Variants in GLIS3 observed in about 807,000 individuals in gnomAD.
The protein encoded by GLIS3 is GLIS family zinc finger 3.
In GLIS3, 53 loss-of-function variants were observed where a neutral mutation model predicts 78.6. That is an observed-to-expected ratio of 0.67 (90% CI 0.54 to 0.85). The LOEUF is 0.85. GLIS3 is among the 40% of genes least tolerant of loss of function. The pLI is 0.00. For synonymous variants in GLIS3, 684 were observed against 509.9 expected, an observed-to-expected ratio of 1.34 and a Z score of -4.60; for missense variants, 1,703 against 1,231.1, an observed-to-expected ratio of 1.38 and a Z score of -5.74.
At chr9:3,932,740 C>T (rs181076668) in intron 5 of GLIS3, 4 of 441,376 alleles carry the variant, frequency 9.1e-6, no homozygotes, top group South Asian at 3.7e-5. Context: ...CACAAAACCT[C>T]TTGGGGCATT....
At chr9:3,962,628 G>A (rs767609022) in intron 4 of GLIS3, among the ~76,000 whole-genome samples, 46 of 152,166 alleles carry the variant, frequency 3.0e-4, no homozygotes, top group Non-Finnish European at 5.6e-4. Flanking sequence ...CCTTTGAGCA[G>A]TTTTTTGTTT....
At chr9:3,928,429 C>T (rs1182318185) in intron 6 of GLIS3, among the ~76,000 whole-genome samples, 1 of 152,118 alleles carries the variant, frequency 6.6e-6, no homozygotes, top group African/African-American at 2.4e-5. Context: ...CTTATTAGTC[C>T]ACTTAATATA....
At chr9:4,349,844 T>C (rs763828563), upstream of GLIS3, among the ~76,000 whole-genome samples, 2 of 152,230 alleles carry the variant, frequency 1.3e-5, no homozygotes, top group Non-Finnish European at 2.9e-5. Flanking sequence ...CTTCAGGGTG[T>C]CCTGAATTGG....
At chr9:4,000,863 A>C (rs1821080509) in intron 4 of GLIS3, among the ~76,000 whole-genome samples, 1 of 152,114 alleles carries the variant, frequency 6.6e-6, no homozygotes, top group Non-Finnish European at 1.5e-5. Context: ...ACACTTCCAA[A>C]ATCAGCAAAA....
At chr9:4,409,234 A>C in the GLIS3 span, among the ~76,000 whole-genome samples, 18 of 152,174 alleles carry the variant, frequency 1.2e-4, no homozygotes, top group African/African-American at 3.9e-4. Flanking sequence ...GGTTATTATC[A>C]GCTTTGCCCT....
chr9:4,320,983 C>T (rs1017683383), intron 2 of GLIS3, among the ~76,000 whole-genome samples: 1 of 151,986 alleles, frequency 6.6e-6, no homozygotes, highest in South Asian at 2.1e-4. Flanking sequence ...AAGAACGTTG[C>T]TTGAGAAGGC....
chr9:3,896,160 C>T (rs904056253), intron 7 of GLIS3, among the ~76,000 whole-genome samples: 116 of 152,154 alleles, frequency 7.6e-4, no homozygotes, highest in Middle Eastern at 6.8e-3. Context: ...AGATCTAGGG[C>T]GAAGGTTTGC....
chr9:4,079,488 T>G (rs183459882), intron 4 of GLIS3, among the ~76,000 whole-genome samples: 7 of 152,158 alleles, frequency 4.6e-5, no homozygotes, highest in Admixed American at 2.0e-4. Flanking sequence ...ATCCCACTGA[T>G]AAGATTCTCA....
At chr9:4,009,752 A>T (rs1821846270) in intron 4 of GLIS3, among the ~76,000 whole-genome samples, 1 of 152,228 alleles carries the variant, frequency 6.6e-6, no homozygotes, top group Admixed American at 6.5e-5. Flanking sequence ...GGGATCTGAC[A>T]GCCTCAGGCA....
At chr9:4,240,250 T>C (rs1011216763) in intron 2 of GLIS3, among the ~76,000 whole-genome samples, 5 of 151,990 alleles carry the variant, frequency 3.3e-5, no homozygotes, top group African/African-American at 9.7e-5. Flanking sequence ...CATCAGACAT[T>C]AGTTAGATTA....
At chr9:4,053,277 C>A (rs1825868609) in intron 4 of GLIS3, among the ~76,000 whole-genome samples, 1 of 152,144 alleles carries the variant, frequency 6.6e-6, no homozygotes, top group Non-Finnish European at 1.5e-5. Flanking sequence ...CCGGTATTAA[C>A]TAGCATGAGG....
chr9:4,252,061 G>C (rs994618804), intron 2 of GLIS3, among the ~76,000 whole-genome samples: 2 of 152,078 alleles, frequency 1.3e-5, no homozygotes, highest in Admixed American at 6.6e-5. Context: ...TTCAACCTTG[G>C]TGAATCTGAT....
At position 3,896,629 on chromosome 9, in the gene GLIS3, G is replaced by T. The variant is rs548034981; in HGVS notation, c.2128+2062C>A. Among the ~76,000 whole-genome samples, 4 of 125,024 alleles carry T rather than the reference G, an allele frequency of 3.2e-5. No homozygotes were observed. The Admixed American group carries it at 4.2e-4, about 13-fold the overall frequency. The allele number at this position is 125,024 out of a possible 152,430, so 82.0% of individuals were successfully genotyped here. ...TGCAGTGAGCTGAGATGGTGCCACT[G>T]CAGTCCAGCCTGGTTGACAGAGTGA... On this transcript the variant is annotated intron_variant, in intron 7 of 10. Coordinates refer to ENST00000381971, the MANE Select transcript of GLIS3 (RefSeq NM_001042413.2).
intron 3 of GLIS3, 121 bp downstream of exon 3, chr9:4,125,609 GTTGC>G: frequency 2.6e-6 from 2 of 767,882 alleles, no homozygotes; most frequent in Non-Finnish European, 4.6e-6. Flanking sequence ...AATTGAGAGA[GTTGC>G]TTGAGTGTGT....
At chr9:4,465,589 T>G in the GLIS3 span, among the ~76,000 whole-genome samples, 2 of 152,170 alleles carry the variant, frequency 1.3e-5, no homozygotes, top group Non-Finnish European at 2.9e-5. Context: ...TAATAATTCT[T>G]GTAACTGGAT....
intron 4 of GLIS3, among the ~76,000 whole-genome samples, chr9:4,004,945 C>T (rs1023598694): frequency 3.0e-4 from 45 of 152,288 alleles, no homozygotes; most frequent in African/African-American, 1.0e-3. Context: ...AAGTAACCTT[C>T]CCAATGAAGC....
chr9:4,485,028 T>TG, the GLIS3 span, among the ~76,000 whole-genome samples: 3 of 70,136 alleles, frequency 4.3e-5, no homozygotes, highest in African/African-American at 1.6e-4. Flanking sequence ...GTGGGGGTGG[T>TG]GGGGGGACAG....
In GLIS3 at chr9:3,828,353, C is replaced by A; in HGVS notation, c.2712G>T (p.Gly904=). The A allele has an allele frequency of 6.2e-7, 1 of 1,613,906 alleles. No individual in the cohort carries two copies. Among genetic ancestry groups the A allele is most frequent in the South Asian group, 1.1e-5 (1 of 91,068 alleles). Residue 904 remains glycine, a synonymous_variant, in exon 11 of 11, where the codon GGG becomes GGT. Coordinates refer to ENST00000381971, the MANE Select transcript of GLIS3 (RefSeq NM_001042413.2). ...TCTGCAAGAAGGTAGCATCTTCAGC[C>A]CCGCTGCGGAGAGACTCCCCAAAGA... ...SSLFGESLRS[G]AEDATFLQIS...
intron 2 of GLIS3, among the ~76,000 whole-genome samples, chr9:4,216,554 AT>A (rs1820867610): frequency 5.3e-5 from 8 of 152,068 alleles, no homozygotes. Flanking sequence ...TGGAAAATTC[AT>A]TGGACTTAGA....
Sources: allele counts gnomAD v4.1 joint callset (sites outside exome capture counted in the v4.1 genomes callset), GRCh38; gene constraint gnomAD v4.1.1; transcripts MANE v1.5; gene names NCBI Gene and HGNC (gene_info 2026-07-23, HGNC 2026-07-21).